SLC49A3: variants seen among roughly 807,000 people sequenced by gnomAD.
SLC49A3 encodes solute carrier family 49 member A3.
In SLC49A3, 50 loss-of-function variants were observed where a neutral mutation model predicts 43.8. The observed-to-expected ratio is 1.14, with a 90% CI of 0.91 to 1.45. SLC49A3 has a LOEUF of 1.45. Among genes scored for constraint, SLC49A3 ranks in the 40% most tolerant of loss-of-function variants. The probability of loss-of-function intolerance (pLI) is 0.00; values close to 1 mark genes in which losing one functional copy is unlikely to be tolerated. For missense variants in SLC49A3, 906 were observed against 774.1 expected, an observed-to-expected ratio of 1.17 and a Z score of -2.02; for synonymous variants, 413 against 352.0, an observed-to-expected ratio of 1.17 and a Z score of -1.94.
chr4:681,767 C>T (rs1739685622), downstream of SLC49A3: 1 of 1,201,316 alleles, frequency 8.3e-7, no homozygotes, highest in Non-Finnish European at 1.0e-6. Context: ...GCCGCCCTCA[C>T]CCCGCACCCG....
upstream of SLC49A3, chr4:689,243 C>CG (rs1421906210): frequency 1.9e-5 from 12 of 639,728 alleles, no homozygotes; most frequent in Admixed American, 4.7e-5. Flanking sequence ...GGCCGGGCCA[C>CG]GGGGGGCCAG....
chr4:677,276 G>C (rs1738937764), downstream of SLC49A3, among the ~76,000 whole-genome samples: 1 of 152,172 alleles, frequency 6.6e-6, no homozygotes, highest in Non-Finnish European at 1.5e-5. Context: ...TGCTGACTCT[G>C]TGGTGGCCTC....
chr4:678,488 A>G, downstream of SLC49A3: 3 of 1,435,374 alleles, frequency 2.1e-6, no homozygotes, highest in Non-Finnish European at 2.7e-6. Context: ...CCTGCCCCCA[A>G]CCCCAGCTAC....
chr4:680,204 G>C (rs538252548), downstream of SLC49A3, among the ~76,000 whole-genome samples: 2 of 152,284 alleles, frequency 1.3e-5, no homozygotes, highest in African/African-American at 4.8e-5. Flanking sequence ...CCGCCCTCCT[G>C]CCCCACGTGC....
intron 8 of SLC49A3, 133 bp from the exon 9 acceptor site, chr4:683,023 A>G: frequency 9.2e-7 from 1 of 1,087,204 alleles, no homozygotes. Flanking sequence ...AGCCTCGGTC[A>G]TGGGCCCTAT....
Position 685,707 on chromosome 4 carries a change from GGTGGC to G in SLC49A3, c.585+123_585+127del, listed in dbSNP as rs1472610759. ...AGCGACAGGCTGAGACTCCTTCTCGGGTGGCGGGGCGGGGGACGGGAATCACACAC... is the reference window on the plus strand; with the variant it reads ...AGCGACAGGCTGAGACTCCTTCTCGGGGGGCGGGGGACGGGAATCACACAC... On this transcript the variant is annotated intron_variant, in intron 4 of 9. Transcript: ENST00000322224. This position sits in a 1 kb window ranked among gnomAD's most constrained non-coding sequence, Gnocchi z 4.3. 5.2e-6 allele frequency: 5 copies of G among 968,254 alleles called. No homozygotes were observed. In the African/African-American group the frequency reaches 8.1e-5, roughly 16 times the overall value. The allele number at this position is 968,254 out of a possible 1,614,324, so 60.0% of individuals were successfully genotyped here. A position where few individuals can be genotyped will look rare whatever the true frequency, so the allele number is the denominator to read the frequency against.
At chr4:681,088 T>A (rs1200624675), downstream of SLC49A3, 1 of 1,600,192 alleles carries the variant, frequency 6.2e-7, no homozygotes, top group Non-Finnish European at 8.5e-7. Context: ...TTCCTCGTCC[T>A]CAGCATCAAG....
chr4:677,859 G>A (rs1739002276), downstream of SLC49A3: 2 of 1,148,360 alleles, frequency 1.7e-6, no homozygotes, highest in East Asian at 2.4e-5. Flanking sequence ...TCACTGCCAG[G>A]CTGCCAAAGC....
upstream of SLC49A3, among the ~76,000 whole-genome samples, chr4:689,841 G>A (rs1741725442): frequency 6.6e-6 from 1 of 152,266 alleles, no homozygotes; most frequent in Non-Finnish European, 1.5e-5. Context: ...GGAAGGCAGA[G>A]GAGGGAGTTT....
At position 685,212 on chromosome 4, in the gene SLC49A3, C is replaced by G. The variant is rs1266038738; in HGVS notation, c.586-356G>C. On this transcript the variant is annotated intron_variant, in intron 4 of 9. Transcript: ENST00000322224. The surrounding 1 kb of genome is among the most constrained non-coding windows in gnomAD (Gnocchi z 4.3). ...AGGCACACGTGCATACAGACTCACG[C>G]TCAGTACATACCCCCAAGCACAAAC... 1 of 379,184 alleles carries G rather than the reference C, an allele frequency of 2.6e-6. No individual in the cohort carries two copies. The highest frequency in any genetic ancestry group is 4.8e-6 in the Non-Finnish European group (1 of 206,336). The allele number at this position is 379,184 out of a possible 1,614,324, so 23.5% of individuals were successfully genotyped here.
chr4:681,240 G>C, downstream of SLC49A3: 1 of 1,428,494 alleles, frequency 7.0e-7, no homozygotes, highest in Non-Finnish European at 9.5e-7. Flanking sequence ...GCAGCGCCGC[G>C]GTTAGGACCC....
chr4:678,108 A>AGCGTGG, downstream of SLC49A3: 1 of 1,591,388 alleles, frequency 6.3e-7, no homozygotes, highest in Non-Finnish European at 8.5e-7. Flanking sequence ...CGCACAGACG[A>AGCGTGG]GCGTGGGCGT....
At chr4:680,711 G>A, downstream of SLC49A3, 1 of 1,014,744 alleles carries the variant, frequency 9.9e-7, no homozygotes, top group Non-Finnish European at 1.5e-6. Context: ...CCAGCTTCAG[G>A]GCCATGAGGA....
downstream of SLC49A3, chr4:681,215 C>G (rs1350510121): frequency 5.9e-6 from 9 of 1,529,550 alleles, no homozygotes; most frequent in Non-Finnish European, 8.0e-6. Context: ...TGGAGGGGGA[C>G]GCGGAGCCCG....
chr4:683,321 G>C lies in SLC49A3; in HGVS notation c.1040C>G (p.Ser347Trp), dbSNP rs148195605. 1.1e-5 allele frequency: 17 copies of C among 1,612,344 alleles called. No individual in the cohort carries two copies. In the African/African-American group the frequency reaches 2.0e-4, roughly 19 times the overall value. Residue 347 changes from serine to tryptophan, a missense_variant, in exon 8 of 10, where the codon TCG becomes TGG. Coordinates refer to ENST00000322224, the MANE Select transcript of SLC49A3 (RefSeq NM_032219.4). ...CGAGAAGCCAAACAGCCCGAGCAGC[G>C]AGCAGGTGGCAGCCAGGGCAAGGGT... ...GQTLALAATC[S>W]LLGLFGFSVG...
In SLC49A3 at chr4:682,231, C is replaced by T. The variant is rs774923887; in HGVS notation, c.1407G>A (p.Pro469=). 2.0e-5 allele frequency: 27 copies of T among 1,380,174 alleles called. No homozygotes were observed. The highest frequency in any genetic ancestry group is 1.8e-4 in the African/African-American group (12 of 66,698). The allele number at this position is 1,380,174 out of a possible 1,614,324, so 85.5% of individuals were successfully genotyped here. The change falls in exon 10 of 10, where the codon CCG becomes CCA. Residue 469 remains proline (P), a synonymous_variant. Coordinates refer to ENST00000322224, the MANE Select transcript of SLC49A3 (RefSeq NM_032219.4). ...TTCCTGCTCCCCCTCGGTCCACACC[C>T]GGCCCTGAGTCTGCGCCGCCCACGG... ...RNAVGGADSG[P]GVDRGGAGRA... is the part of the protein sequence containing the mutation.
At chr4:682,478 G>A in intron 9 of SLC49A3, 102 bp from the exon 10 acceptor site, 13 of 1,197,228 alleles carry the variant, frequency 1.1e-5, no homozygotes, top group Non-Finnish European at 1.4e-5. Flanking sequence ...CTTGACCACA[G>A]AGTGACCCCA....
downstream of SLC49A3, chr4:679,773 C>T (rs1739256731): frequency 4.5e-6 from 3 of 670,780 alleles, no homozygotes; most frequent in Non-Finnish European, 7.9e-6. Context: ...CCCACTGCCC[C>T]ACGTGCCTGG....
downstream of SLC49A3, chr4:680,706 T>C (rs1739383478): frequency 5.7e-6 from 6 of 1,053,384 alleles, no homozygotes; most frequent in South Asian, 2.9e-5. Flanking sequence ...TCTGACCAGC[T>C]TCAGGGCCAT....
Sources: allele counts gnomAD v4.1 joint callset (sites outside exome capture counted in the v4.1 genomes callset), GRCh38; gene constraint gnomAD v4.1.1; non-coding constraint Gnocchi (gnomAD v3.1); transcripts MANE v1.5; gene names NCBI Gene and HGNC (gene_info 2026-07-23, HGNC 2026-07-21).